The following SCFD2 variants were observed in gnomAD, a reference collection of about 807,000 sequenced individuals.
The protein encoded by SCFD2 is sec1 family domain-containing protein 2.
Under a neutral mutation model 58.9 loss-of-function variants are expected in SCFD2, and 54 were observed. That is an observed-to-expected ratio of 0.92 (90% confidence interval 0.74 to 1.15). The LOEUF is 1.15. Ranked by LOEUF, SCFD2 falls within the 50% of genes most tolerant of loss-of-function variation. The pLI is 0.00. For synonymous variants in SCFD2, 321 were observed against 335.9 expected (o/e 0.96, Z 0.49); for missense variants, 805 against 836.6 (o/e 0.96, Z 0.47).
chr4:53,281,696 T>G (rs1209429766), intron 3 of SCFD2, among the ~76,000 whole-genome samples: 1 of 152,232 alleles, frequency 6.6e-6, no homozygotes, highest in South Asian at 2.1e-4. Flanking sequence ...AAATAGTCTA[T>G]AAGCAAACAA....
At chr4:52,882,403 A>C (rs1718638732) in intron 8 of SCFD2, among the ~76,000 whole-genome samples, 1 of 152,194 alleles carries the variant, frequency 6.6e-6, no homozygotes, top group African/African-American at 2.4e-5. Flanking sequence ...ACCAAGAATG[A>C]AGCCCTCCAT....
At chr4:53,232,836 T>G (rs1729480234) in intron 4 of SCFD2, among the ~76,000 whole-genome samples, 1 of 152,160 alleles carries the variant, frequency 6.6e-6, no homozygotes. Flanking sequence ...CTTCTACATC[T>G]TCCACCTGTC....
intron 3 of SCFD2, among the ~76,000 whole-genome samples, chr4:53,308,656 A>ATT (rs1364303767): frequency 6.6e-6 from 1 of 152,218 alleles, no homozygotes; most frequent in African/African-American, 2.4e-5. Flanking sequence ...ACATATCAAA[A>ATT]ACAGGAAGTA....
chr4:53,229,572 A>G (rs1285855003), intron 4 of SCFD2, among the ~76,000 whole-genome samples: 1 of 152,246 alleles, frequency 6.6e-6, no homozygotes, highest in Non-Finnish European at 1.5e-5. Context: ...GGCCATATCT[A>G]GAGAACTGAA....
At chr4:53,070,028 G>T (rs1044822758) in intron 5 of SCFD2, among the ~76,000 whole-genome samples, 1 of 151,940 alleles carries the variant, frequency 6.6e-6, no homozygotes, top group Non-Finnish European at 1.5e-5. Context: ...GGAAGGGGTC[G>T]TGTGTTTCAA....
chr4:53,106,074 C>T (rs965973220), intron 5 of SCFD2, among the ~76,000 whole-genome samples: 1 of 152,316 alleles, frequency 6.6e-6, no homozygotes, highest in South Asian at 2.1e-4. Context: ...TGGACCCAGT[C>T]AAACAGGGTC....
intron 2 of SCFD2, among the ~76,000 whole-genome samples, chr4:53,337,841 A>C (rs1472718610): frequency 3.3e-5 from 5 of 152,212 alleles, no homozygotes; most frequent in Non-Finnish European, 7.3e-5. Flanking sequence ...GCATTTCTCA[A>C]TTTTATAAAC....
At chr4:53,185,862 C>T (rs1727722005) in intron 4 of SCFD2, among the ~76,000 whole-genome samples, 1 of 151,976 alleles carries the variant, frequency 6.6e-6, no homozygotes, top group Non-Finnish European at 1.5e-5. Context: ...ATTTATTTTC[C>T]TTCAGAAATA....
chr4:53,221,128 C>T (rs1226934317), intron 4 of SCFD2, among the ~76,000 whole-genome samples: 3 of 152,176 alleles, frequency 2.0e-5, no homozygotes, highest in East Asian at 1.9e-4. Flanking sequence ...GCAGTATATA[C>T]ATTATCACTA....
chr4:52,920,743 A>G lies in SCFD2; in HGVS notation c.1689T>C (p.Pro563=). 2 of 1,604,382 alleles carry G rather than the reference A, an allele frequency of 1.2e-6. No homozygotes were observed. The highest frequency in any genetic ancestry group is 1.1e-5 in the South Asian group (1 of 89,672). Residue 563 remains proline, a synonymous_variant, in exon 6 of 9, where the codon CCT becomes CCC. Coordinates refer to ENST00000401642, the MANE Select transcript of SCFD2 (RefSeq NM_152540.4). The part of the protein sequence containing the change: ...LLKQFKSVYV[P]GNHTHQASYK... Reference sequence around the variant, plus strand: ...TACTTGCCTGGTGGGTATGATTTCCAGGAACATATACAGACTTAAACTGTT... The same window carrying G: ...TACTTGCCTGGTGGGTATGATTTCCGGGAACATATACAGACTTAAACTGTT...
intron 4 of SCFD2, among the ~76,000 whole-genome samples, chr4:53,239,388 T>G (rs1269915086): frequency 3.2e-5 from 2 of 62,960 alleles, no homozygotes; most frequent in Non-Finnish European, 6.0e-5. Flanking sequence ...AGGGAGACCG[T>G]GGGGAGAGTG....
At chr4:53,331,971 C>T (rs1323936337) in intron 2 of SCFD2, among the ~76,000 whole-genome samples, 4 of 152,186 alleles carry the variant, frequency 2.6e-5, no homozygotes, top group Admixed American at 1.3e-4. Flanking sequence ...ACAAACACCT[C>T]TACACAAATA....
At chr4:53,349,128 T>A (rs1205694358) in intron 2 of SCFD2, among the ~76,000 whole-genome samples, 1 of 152,186 alleles carries the variant, frequency 6.6e-6, no homozygotes, top group Admixed American at 6.5e-5. Context: ...GAACATAGCC[T>A]AAGTGAGAGG....
At chr4:53,340,319 C>T (rs1253926352) in intron 2 of SCFD2, among the ~76,000 whole-genome samples, 4 of 152,208 alleles carry the variant, frequency 2.6e-5, no homozygotes, top group African/African-American at 4.8e-5. Context: ...TAACATCTCG[C>T]GACTGGCTTG....
chr4:53,099,186 A>G lies in SCFD2; in HGVS notation c.1561+46147T>C, dbSNP rs555029728. On this transcript the variant is annotated intron_variant, in intron 5 of 8. Transcript: ENST00000401642. ...CCATTCATATTAGAAATATACAAACAGTAAACAATGACAAGTCTTCGCCAG... is the reference window on the plus strand; with the variant it reads ...CCATTCATATTAGAAATATACAAACGGTAAACAATGACAAGTCTTCGCCAG... 3.1e-3 allele frequency among the ~76,000 whole-genome samples: 469 copies of G among 152,380 alleles called. 1 individual carries two copies. Among genetic ancestry groups the G allele is most frequent in the African/African-American group, 0.01 (434 of 41,592 alleles).
chr4:53,058,851 C>A (rs900478993), intron 5 of SCFD2, among the ~76,000 whole-genome samples: 3 of 151,984 alleles, frequency 2.0e-5, no homozygotes, highest in Non-Finnish European at 2.9e-5. Flanking sequence ...AAAACAGGTA[C>A]CACAAAGAAA....
chr4:52,988,435 C>T (rs998900353), intron 5 of SCFD2, among the ~76,000 whole-genome samples: 2 of 152,134 alleles, frequency 1.3e-5, no homozygotes, highest in African/African-American at 4.8e-5. Context: ...TGTCCAATGT[C>T]CTGGTTACAC....
chr4:53,341,397 A>C (rs182337952), intron 2 of SCFD2, among the ~76,000 whole-genome samples: 1 of 152,182 alleles, frequency 6.6e-6, no homozygotes. Context: ...CAAGAAGAGA[A>C]GTTTAGAGAA....
chr4:52,907,338 G>T, intron 7 of SCFD2, 119 bp downstream of exon 7: 1 of 1,000,166 alleles, frequency 1.0e-6, no homozygotes, highest in Non-Finnish European at 1.5e-6. Flanking sequence ...TTTTAGAAGA[G>T]CCAAAATACC....
Sources: gnomAD v4.1 joint callset for allele counts (sites outside exome capture counted in the v4.1 genomes callset) on GRCh38, gnomAD v4.1.1 for gene constraint, MANE v1.5 for transcripts, NCBI Gene and HGNC (gene_info 2026-07-23, HGNC 2026-07-21) for gene names.